The following SLC4A7 variants were observed in gnomAD, a reference collection of about 807,000 sequenced individuals.
SLC4A7 encodes the protein solute carrier family 4 member 7.
SLC4A7 carries 51 observed loss-of-function variants against 137.6 expected under a neutral mutation model. The ratio of observed to expected loss-of-function variants is 0.37; its 90% CI spans 0.30 to 0.47. The LOEUF (loss-of-function observed/expected upper bound fraction) is 0.47. Among genes scored for constraint, SLC4A7 ranks in the 20% least tolerant of loss-of-function variants. The pLI, the probability that SLC4A7 is intolerant of heterozygous loss-of-function variation, is 1.00. For missense variants in SLC4A7, 1,247 were observed against 1,525.4 expected, an observed-to-expected ratio of 0.82 and a Z score of 3.04; for synonymous variants, 542 against 518.6, an observed-to-expected ratio of 1.05 and a Z score of -0.61.
chr3:27,435,450 T>A (rs906862814), intron 5 of SLC4A7, among the ~76,000 whole-genome samples: 1 of 152,126 alleles, frequency 6.6e-6, no homozygotes, highest in Non-Finnish European at 1.5e-5. Context: ...CACCCTACAT[T>A]CTGTTGCCAG....
rs757295277 is a variant in SLC4A7 at position 27,448,822 on chromosome 3, T to C, written c.143-25A>G. 15 of 1,536,352 alleles carry C rather than the reference T, an allele frequency of 9.8e-6. No homozygotes were observed. The South Asian group carries it at 1.9e-4, about 19-fold the overall frequency. On this transcript the variant is annotated intron_variant, in intron 2 of 25. Transcript: ENST00000454389. ...CCTATTAAAAGGTTCAGAAACATAT[T>C]ACTAGCTTTCCAAAAGAGAAAAAAG...
intron 2 of SLC4A7, among the ~76,000 whole-genome samples, chr3:27,449,877 T>C (rs2057947796): frequency 6.6e-6 from 1 of 152,220 alleles, no homozygotes; most frequent in Non-Finnish European, 1.5e-5. Flanking sequence ...AAATAAGTAT[T>C]TCAAGAAACT....
intron 18 of SLC4A7, among the ~76,000 whole-genome samples, chr3:27,396,708 C>A (rs1480730416): frequency 6.6e-6 from 1 of 152,078 alleles, no homozygotes; most frequent in Non-Finnish European, 1.5e-5. Flanking sequence ...TTTAAACCAG[C>A]TGCTTCTGAA....
At chr3:27,428,771 G>T (rs2055929912) in intron 7 of SLC4A7, among the ~76,000 whole-genome samples, 1 of 152,144 alleles carries the variant, frequency 6.6e-6, no homozygotes, top group South Asian at 2.1e-4. Context: ...GCTGGATGTT[G>T]TATTTTGGAG....
intron 20 of SLC4A7, 61 bp from the exon 21 acceptor site, chr3:27,391,869 G>A (rs2307034): frequency 0.038 from 36,057 of 942,656 alleles, 874 homozygotes; most frequent in East Asian, 0.072. Context: ...AACATAATCA[G>A]TGAGTAATTA....
At chr3:27,438,677 A>AAC (rs2056952365) in intron 3 of SLC4A7, among the ~76,000 whole-genome samples, 1 of 152,034 alleles carries the variant, frequency 6.6e-6, no homozygotes, top group African/African-American at 2.4e-5. Flanking sequence ...TAAAATAAAA[A>AAC]TAACACAACA....
chr3:27,402,243 C>T (rs964504565), intron 15 of SLC4A7, among the ~76,000 whole-genome samples: 3 of 152,174 alleles, frequency 2.0e-5, no homozygotes, highest in African/African-American at 7.2e-5. Flanking sequence ...TTTTAAAAGC[C>T]TATTTTACAC....
intron 1 of SLC4A7, chr3:27,457,023 TGG>T (rs2058450816): frequency 7.7e-6 from 5 of 646,482 alleles, no homozygotes; most frequent in Non-Finnish European, 9.6e-6. Flanking sequence ...TATATGTGGA[TGG>T]ATGTGTGAGA....
intron 23 of SLC4A7, among the ~76,000 whole-genome samples, chr3:27,385,562 T>C: frequency 6.6e-6 from 1 of 152,172 alleles, no homozygotes; most frequent in East Asian, 1.9e-4. Flanking sequence ...GTTACCTATA[T>C]TTTAATATTG....
chr3:27,445,739 G>A (rs1452804928), intron 3 of SLC4A7, among the ~76,000 whole-genome samples: 23 of 125,422 alleles, frequency 1.8e-4, no homozygotes, highest in African/African-American at 6.3e-4. Flanking sequence ...CCAACATACT[G>A]AAATCCTGTC....
At chr3:27,404,790 T>C in intron 14 of SLC4A7, 40 bp downstream of exon 14, 1 of 1,463,658 alleles carries the variant, frequency 6.8e-7, no homozygotes, top group Non-Finnish European at 9.3e-7. Flanking sequence ...AACAATTTCA[T>C]ATATAACACA....
intron 1 of SLC4A7, among the ~76,000 whole-genome samples, chr3:27,482,714 G>C (rs1300338343): frequency 6.6e-6 from 1 of 152,190 alleles, no homozygotes; most frequent in Non-Finnish European, 1.5e-5. Context: ...GGAGGTTGCA[G>C]TGAGCCGAGA....
chr3:27,412,349 G>A (rs953465601), intron 11 of SLC4A7, among the ~76,000 whole-genome samples: 1 of 152,136 alleles, frequency 6.6e-6, no homozygotes, highest in African/African-American at 2.4e-5. Flanking sequence ...GAGATGCTGG[G>A]GCTAAAAATA....
chr3:27,445,951 AAAAAAAAAAAAAATATATATAT>A (rs1252475560), intron 3 of SLC4A7, among the ~76,000 whole-genome samples: 12 of 32,128 alleles, frequency 3.7e-4, no homozygotes, highest in African/African-American at 1.2e-3. Context: ...AAAAAAAAAA[AAAAAAAAAAAAAATATATATAT>A]ATATATATAT....
intron 1 of SLC4A7, chr3:27,456,922 T>A: frequency 1.0e-6 from 1 of 985,108 alleles, no homozygotes; most frequent in Non-Finnish European, 1.2e-6. Flanking sequence ...ACACATTTAG[T>A]TATAAGTAAA....
chr3:27,411,280 T>C (rs544185995), intron 12 of SLC4A7, among the ~76,000 whole-genome samples: 1 of 152,084 alleles, frequency 6.6e-6, no homozygotes, highest in Non-Finnish European at 1.5e-5. Context: ...TTATTAGTTG[T>C]AATTACTCTC....
chr3:27,479,174 G>T (rs367550476), intron 1 of SLC4A7, among the ~76,000 whole-genome samples: 2 of 152,304 alleles, frequency 1.3e-5, no homozygotes, highest in East Asian at 1.9e-4. Flanking sequence ...CAGCACTTTG[G>T]GGGGCAGAGG....
intron 1 of SLC4A7, chr3:27,456,566 G>T: frequency 1.1e-6 from 1 of 944,780 alleles, no homozygotes; most frequent in Non-Finnish European, 1.7e-6. Context: ...GTGCTAATAA[G>T]CCTGACATTT....
At chr3:27,392,393 G>T (rs894446821) in intron 20 of SLC4A7, among the ~76,000 whole-genome samples, 2 of 152,036 alleles carry the variant, frequency 1.3e-5, no homozygotes, top group Non-Finnish European at 2.9e-5. Flanking sequence ...ACCACAAAAA[G>T]CACTCTGACC....
Sources: allele counts gnomAD v4.1 joint callset (sites outside exome capture counted in the v4.1 genomes callset), GRCh38; gene constraint gnomAD v4.1.1; transcripts MANE v1.5; gene names NCBI Gene and HGNC (gene_info 2026-07-23, HGNC 2026-07-21).